The following RBL1 variants were observed in gnomAD, a reference collection of about 807,000 sequenced individuals.
RBL1 encodes the protein retinoblastoma-like protein 1.
A neutral mutation model predicts 123.0 loss-of-function variants in RBL1; 82 were observed. The ratio of observed to expected loss-of-function variants is 0.67; its 90% CI spans 0.56 to 0.80. The LOEUF (loss-of-function observed/expected upper bound fraction) is 0.80. RBL1 is among the 30% of genes least tolerant of loss of function. The pLI, the probability that RBL1 is intolerant of heterozygous loss-of-function variation, is 0.00. For synonymous variants in RBL1, 405 were observed against 441.3 expected (o/e 0.92, Z 1.03); for missense variants, 1,171 against 1,299.6 (o/e 0.90, Z 1.52).
intron 13 of RBL1, among the ~76,000 whole-genome samples, chr20:37,041,995 C>G (rs558944553): frequency 1.6e-4 from 24 of 151,132 alleles, no homozygotes; most frequent in Admixed American, 6.6e-4. Context: ...ATGGCGTGAA[C>G]CCGGGAGGTG....
chr20:37,044,865 C>T (rs952859399), intron 12 of RBL1, among the ~76,000 whole-genome samples: 5 of 152,106 alleles, frequency 3.3e-5, no homozygotes, highest in Non-Finnish European at 7.4e-5. Flanking sequence ...GGTTCCAAGT[C>T]TAGTTCTATT....
At chr20:37,018,494 G>A in intron 18 of RBL1, 125 bp from the exon 19 acceptor site, 3 of 1,311,872 alleles carry the variant, frequency 2.3e-6, no homozygotes, top group Middle Eastern at 1.9e-4. Context: ...TGATACTCAA[G>A]GGTAAAATGT....
At chr20:37,068,351 G>C (rs938854193) in intron 2 of RBL1, among the ~76,000 whole-genome samples, 165 bp from the exon 3 acceptor site, 30 of 152,210 alleles carry the variant, frequency 2.0e-4, no homozygotes, top group Admixed American at 4.6e-4. Flanking sequence ...AATTAGCTGG[G>C]TGTGGTGGCA....
At chr20:37,081,360 C>A (rs567157848) in intron 2 of RBL1, among the ~76,000 whole-genome samples, 1 of 152,052 alleles carries the variant, frequency 6.6e-6, no homozygotes, top group Non-Finnish European at 1.5e-5. Context: ...TTGGCTGGTG[C>A]GGTGGCTCAC....
intron 9 of RBL1, among the ~76,000 whole-genome samples, chr20:37,057,004 T>TACCTACCTACCTAC (rs2065020656): frequency 2.7e-5 from 4 of 147,506 alleles, no homozygotes; most frequent in Non-Finnish European, 4.5e-5. Context: ...TATCTATCTA[T>TACCTACCTACCTAC]CTACCTACCT....
intron 1 of RBL1, 89 bp downstream of exon 1, chr20:37,095,684 T>C: frequency 1.6e-6 from 2 of 1,256,958 alleles, no homozygotes; most frequent in South Asian, 2.0e-5. Context: ...GTGGGGAAAC[T>C]CCCACCACCC....
chr20:37,058,135 C>A (rs201252227), intron 9 of RBL1, among the ~76,000 whole-genome samples: 8,980 of 123,804 alleles, frequency 0.073, 856 homozygotes, highest in East Asian at 0.3. Context: ...AAAAACAAAA[C>A]AAAACAAAAA....
intron 6 of RBL1, 111 bp downstream of exon 6, chr20:37,066,613 G>A: frequency 1.0e-6 from 1 of 969,332 alleles, no homozygotes; most frequent in Non-Finnish European, 1.5e-6. Flanking sequence ...TAAAGCCTGG[G>A]AATCCTGACC....
intron 21 of RBL1, among the ~76,000 whole-genome samples, chr20:37,002,336 G>GTTTTTTTTTTTTT (rs965408801): frequency 2.5e-4 from 19 of 76,348 alleles, no homozygotes; most frequent in East Asian, 6.9e-4. Flanking sequence ...AGCCTTATCT[G>GTTTTTTTTTTTTT]TTTTTTTTTT....
chr20:37,045,083 T>TACTTA (rs1664741291), intron 12 of RBL1, among the ~76,000 whole-genome samples: 1 of 109,410 alleles, frequency 9.1e-6, no homozygotes, highest in Non-Finnish European at 1.9e-5. Flanking sequence ...TTTATTTACT[T>TACTTA]ATTTATTTAT....
At chr20:37,053,432 G>T (rs1401429405) in intron 11 of RBL1, among the ~76,000 whole-genome samples, 1 of 152,206 alleles carries the variant, frequency 6.6e-6, no homozygotes, top group African/African-American at 2.4e-5. Context: ...GACAGTGTAA[G>T]TGTGGGTGTG....
Position 37,095,790 on chromosome 20 carries a change from C to A in RBL1, c.139G>T (p.Gly47Cys), listed in dbSNP as rs1053005011. ...CCGCTCACCTCTAGGCTGTAGTTGC[C>A]TCGGATGGCAGTAAAGTCGTCCAGG... ...EALDDFTAIR[G>C]NYSLEGEVTH... The change falls in exon 1 of 22, where the codon GGC (glycine) becomes TGC (cysteine). Residue 47 changes from glycine to cysteine, a missense_variant. By Grantham distance (159) the Gly-to-Cys change is radical (BLOSUM62 -3). Coordinates refer to ENST00000373664, the MANE Select transcript of RBL1 (RefSeq NM_002895.5). The A allele has an allele frequency of 3.7e-6, 6 of 1,609,530 alleles. No individual in the cohort carries two copies. The highest frequency in any genetic ancestry group is 5.1e-6 in the Non-Finnish European group (6 of 1,178,324).
At chr20:36,999,443 C>G (rs1162063624) in intron 21 of RBL1, among the ~76,000 whole-genome samples, 1 of 137,774 alleles carries the variant, frequency 7.3e-6, no homozygotes, top group Non-Finnish European at 1.5e-5. Context: ...CTCTCCCTCT[C>G]CCTCCTCTCC....
chr20:37,013,055 C>T (rs1722321418), intron 19 of RBL1, among the ~76,000 whole-genome samples: 1 of 152,200 alleles, frequency 6.6e-6, no homozygotes, highest in Admixed American at 6.5e-5. Context: ...TGAGGAGCCC[C>T]TCTGCCCGGC....
rs375915894 is a variant in RBL1, at chr20:36,998,860, C to T, written c.3106G>A (p.Asp1036Asn). Residue 1036 changes from aspartate (D) to asparagine (N), a missense_variant, in exon 22 of 22, where the codon GAT (aspartate) becomes AAT (asparagine). By Grantham distance (23) the Asp-to-Asn change is conservative. Coordinates refer to ENST00000373664, the MANE Select transcript of RBL1 (RefSeq NM_002895.5). ...TTGGCAGGGGATTCTGCATCACTAT[C>T]GATGGCTATTACTCGCTTCTTGGTT... ...QRTKKRVIAIDSDAESPAKRV... is the reference protein window; with the variant it reads ...QRTKKRVIAINSDAESPAKRV... 7 of 1,613,342 alleles carry T rather than the reference C, an allele frequency of 4.3e-6. No individual in the cohort carries two copies. Among genetic ancestry groups the T allele is most frequent in the East Asian group, 2.2e-5 (1 of 44,874 alleles).
intron 20 of RBL1, among the ~76,000 whole-genome samples, chr20:37,004,200 A>AGCTGGGATTACAGGCATGT (rs1160688406): frequency 2.0e-5 from 3 of 151,444 alleles, no homozygotes; most frequent in Non-Finnish European, 4.4e-5. Context: ...CCTCCCAAGT[A>AGCTGGGATTACAGGCATGT]GCTGGGATTA....
chr20:37,084,279 A>T (rs2065505141), intron 2 of RBL1, among the ~76,000 whole-genome samples: 1 of 152,108 alleles, frequency 6.6e-6, no homozygotes, highest in Admixed American at 6.6e-5. Context: ...CTTTACAATG[A>T]TGTTTATTTG....
intron 18 of RBL1, among the ~76,000 whole-genome samples, chr20:37,019,732 T>C (rs571542697): frequency 6.6e-6 from 1 of 152,314 alleles, no homozygotes; most frequent in East Asian, 1.9e-4. Context: ...AAGAGGCCAT[T>C]ATGCTTCCTA....
At chr20:37,000,292 C>T (rs1301628092) in intron 21 of RBL1, among the ~76,000 whole-genome samples, 1 of 150,202 alleles carries the variant, frequency 6.7e-6, no homozygotes, top group African/African-American at 2.5e-5. Flanking sequence ...GCGTCTTCGC[C>T]TGGCAGCCAC....
Sources: gnomAD v4.1 joint callset for allele counts (sites outside exome capture counted in the v4.1 genomes callset) on GRCh38, gnomAD v4.1.1 for gene constraint, MANE v1.5 for transcripts, NCBI Gene and HGNC (gene_info 2026-07-23, HGNC 2026-07-21) for gene names.